The following LIMS1 variants were observed in gnomAD, a reference collection of about 807,000 sequenced individuals.
LIMS1 encodes LIM and senescent cell antigen-like-containing domain protein 1.
A neutral mutation model predicts 44.1 loss-of-function variants in LIMS1; 18 were observed. The observed-to-expected ratio is 0.41, with a 90% confidence interval of 0.28 to 0.61. The LOEUF is 0.61. LIMS1 is among the 20% of genes least tolerant of loss of function. LIMS1 has a pLI of 0.32. For missense variants in LIMS1, 201 were observed against 422.0 expected, an observed-to-expected ratio of 0.48 and a Z score of 4.59; for synonymous variants, 93 against 149.1, an observed-to-expected ratio of 0.62 and a Z score of 2.74.
At chr2:108,682,878 G>C (rs1038451837) in intron 9 of LIMS1, among the ~76,000 whole-genome samples, 3 of 152,134 alleles carry the variant, frequency 2.0e-5, no homozygotes, top group African/African-American at 7.2e-5. Flanking sequence ...CACAGACAGT[G>C]AACAAGTTAC....
intron 2 of LIMS1, among the ~76,000 whole-genome samples, chr2:108,661,759 C>G (rs1275252739): frequency 6.6e-6 from 1 of 152,100 alleles, no homozygotes; most frequent in African/African-American, 2.4e-5. Flanking sequence ...ACCATGGAGG[C>G]CTGCGGGGAC....
chr2:108,612,565 C>T (rs1472856401), intron 1 of LIMS1, among the ~76,000 whole-genome samples: 1 of 151,936 alleles, frequency 6.6e-6, no homozygotes, highest in South Asian at 2.1e-4. Flanking sequence ...CCCAAAGACT[C>T]CTAAGGAATC....
intron 1 of LIMS1, among the ~76,000 whole-genome samples, chr2:108,632,471 A>G (rs1289488492): frequency 2.0e-5 from 3 of 152,206 alleles, no homozygotes; most frequent in Non-Finnish European, 1.5e-5. Flanking sequence ...AAGGTCAGGC[A>G]ACGCGCATTC....
chr2:108,573,478 A>T (rs911200299), intron 1 of LIMS1, among the ~76,000 whole-genome samples: 10 of 137,594 alleles, frequency 7.3e-5, no homozygotes, highest in South Asian at 2.8e-4. Context: ...AAGCATTTTT[A>T]TTTTTTATTT....
chr2:108,663,942 C>T (rs1311909139), intron 2 of LIMS1, among the ~76,000 whole-genome samples: 30 of 151,952 alleles, frequency 2.0e-4, no homozygotes, highest in Admixed American at 3.9e-4. Flanking sequence ...TTATTAGAGA[C>T]GGGGTTTCTC....
At chr2:108,622,034 A>T (rs1558813922) in intron 1 of LIMS1, among the ~76,000 whole-genome samples, 1 of 152,082 alleles carries the variant, frequency 6.6e-6, no homozygotes, top group East Asian at 1.9e-4. Flanking sequence ...ACACAATTTT[A>T]TTTTTTTGTT....
chr2:108,631,971 C>A (rs971497222), intron 1 of LIMS1, among the ~76,000 whole-genome samples: 1 of 152,064 alleles, frequency 6.6e-6, no homozygotes, highest in Non-Finnish European at 1.5e-5. Flanking sequence ...TAGGTACTTT[C>A]GTGTTTGTTT....
intron 1 of LIMS1, among the ~76,000 whole-genome samples, chr2:108,572,034 A>G (rs918972691): frequency 1.1e-4 from 17 of 152,192 alleles, no homozygotes; most frequent in Admixed American, 3.3e-4. Context: ...AAACTGTAAT[A>G]ATATACATGA....
chr2:108,677,999 C>T, exon 8 of LIMS1: 2 of 1,604,914 alleles, frequency 1.2e-6, no homozygotes, highest in South Asian at 2.2e-5. Context: ...ATGTTTGCTT[C>T]CACTGCAATC....
chr2:108,588,559 A>G (rs550274789), intron 1 of LIMS1: 5 of 985,570 alleles, frequency 5.1e-6, no homozygotes, highest in East Asian at 2.3e-4. Flanking sequence ...GACTAAGGCA[A>G]AGGAGTGGAA....
chr2:108,538,097 TC>T (rs1487547420), intron 1 of LIMS1, among the ~76,000 whole-genome samples: 2 of 152,222 alleles, frequency 1.3e-5, no homozygotes, highest in African/African-American at 4.8e-5. Flanking sequence ...GCTGTGGTTT[TC>T]CACCCACAGG....
intron 9 of LIMS1, among the ~76,000 whole-genome samples, chr2:108,681,842 A>G (rs527878827): frequency 2.0e-4 from 31 of 151,548 alleles, no homozygotes; most frequent in African/African-American, 7.0e-4. Flanking sequence ...GCAGTGAGCC[A>G]TGACTGCCAC....
intron 1 of LIMS1, among the ~76,000 whole-genome samples, chr2:108,577,991 C>A (rs1337628954): frequency 6.6e-6 from 1 of 152,178 alleles, no homozygotes; most frequent in African/African-American, 2.4e-5. Flanking sequence ...CTCACTGCAA[C>A]CTTCACCTCC....
chr2:108,648,895 G>C (rs894458582), intron 1 of LIMS1, among the ~76,000 whole-genome samples: 1 of 152,150 alleles, frequency 6.6e-6, no homozygotes, highest in African/African-American at 2.4e-5. Flanking sequence ...AGAAAACCTA[G>C]GCAATACCAT....
intron 1 of LIMS1, among the ~76,000 whole-genome samples, chr2:108,568,074 A>G (rs767934688): frequency 2.6e-5 from 4 of 152,216 alleles, no homozygotes; most frequent in East Asian, 3.8e-4. Flanking sequence ...AGTGCTTAAT[A>G]TTAGAAGTGT....
At chr2:108,584,637 G>A (rs1194943155) in intron 1 of LIMS1, among the ~76,000 whole-genome samples, 1 of 152,162 alleles carries the variant, frequency 6.6e-6, no homozygotes, top group Non-Finnish European at 1.5e-5. Context: ...TCCCTGAGGA[G>A]GAGTGCGGGA....
exon 10 of LIMS1, chr2:108,685,845 G>A (rs1693268580): frequency 6.6e-6 from 1 of 152,038 alleles, no homozygotes; most frequent in Non-Finnish European, 1.5e-5. Context: ...GCGTCTTGAT[G>A]CTAAATTCTC....
intron 1 of LIMS1, among the ~76,000 whole-genome samples, chr2:108,600,543 GT>G (rs1242335823): frequency 6.6e-6 from 1 of 152,142 alleles, no homozygotes; most frequent in Non-Finnish European, 1.5e-5. Context: ...TTTGATTTTT[GT>G]TTATGGTGAG....
intron 1 of LIMS1, among the ~76,000 whole-genome samples, chr2:108,571,609 T>C (rs1359476708): frequency 6.6e-6 from 1 of 152,236 alleles, no homozygotes; most frequent in East Asian, 1.9e-4. Flanking sequence ...TACATTGGAA[T>C]AGCATTTTAT....
Sources: allele counts gnomAD v4.1 joint callset (sites outside exome capture counted in the v4.1 genomes callset), GRCh38; gene constraint gnomAD v4.1.1; transcripts MANE v1.5; gene names NCBI Gene and HGNC (gene_info 2026-07-23, HGNC 2026-07-21).